TIMM23B: variants seen among roughly 807,000 people sequenced by gnomAD.
TIMM23B encodes the protein mitochondrial import inner membrane translocase subunit Tim23B.
In TIMM23B, 27 loss-of-function variants were observed where a neutral mutation model predicts 27.3. That is an observed-to-expected ratio of 0.99 (90% CI 0.73 to 1.36). The LOEUF is 1.36. TIMM23B is among the 40% of genes most tolerant of loss of function. The pLI is 0.00. For synonymous variants in TIMM23B, 73 were observed against 92.4 expected (o/e 0.79, Z 1.21); for missense variants, 205 against 244.2 (o/e 0.84, Z 1.07).
At chr10:49,966,536 A>G (rs1343341511) in intron 6 of TIMM23B, among the ~76,000 whole-genome samples, 2 of 151,684 alleles carry the variant, frequency 1.3e-5, no homozygotes, top group African/African-American at 4.8e-5. Flanking sequence ...AAGAAATGAA[A>G]TATGAAATGC....
At chr10:49,953,235 A>G (rs1839599841) in intron 4 of TIMM23B, among the ~76,000 whole-genome samples, 2 of 151,714 alleles carry the variant, frequency 1.3e-5, no homozygotes, top group African/African-American at 4.9e-5. Flanking sequence ...TTCGATGGCT[A>G]CTGTTTTGTT....
At chr10:49,970,856 A>G (rs1840410865) in intron 6 of TIMM23B, among the ~76,000 whole-genome samples, 1 of 152,240 alleles carries the variant, frequency 6.6e-6, no homozygotes, top group Non-Finnish European at 1.5e-5. Context: ...AGAATGGGCC[A>G]TGATGACGAT....
intron 6 of TIMM23B, among the ~76,000 whole-genome samples, chr10:49,972,280 G>A (rs1270983443): frequency 1.3e-5 from 2 of 152,200 alleles, no homozygotes; most frequent in African/African-American, 2.4e-5. Flanking sequence ...CTTTACATTC[G>A]GCACTTTAGG....
intron 6 of TIMM23B, 58 bp downstream of exon 6, chr10:49,958,538 A>G (rs1351859115): frequency 1.3e-6 from 2 of 1,550,696 alleles, no homozygotes; most frequent in African/African-American, 2.7e-5. Flanking sequence ...GCTTTTTAAA[A>G]TTCATGGTTT....
chr10:49,972,652 CT>C (rs1564694061), intron 6 of TIMM23B: 1 of 256,042 alleles, frequency 3.9e-6, no homozygotes, highest in African/African-American at 2.3e-5. Flanking sequence ...AGAAAGTATA[CT>C]TAAAGCACAA....
chr10:49,951,889 G>A (rs1353982114), intron 2 of TIMM23B, among the ~76,000 whole-genome samples: 9 of 152,146 alleles, frequency 5.9e-5, no homozygotes, highest in Admixed American at 3.3e-4. Context: ...TCAGATTTAC[G>A]TTTTGAAGGA....
intron 6 of TIMM23B, among the ~76,000 whole-genome samples, chr10:49,969,475 C>T (rs543152885): frequency 1.3e-5 from 2 of 150,010 alleles, no homozygotes. Context: ...TCTAAGAGGC[C>T]AAGGCAGGCA....
chr10:49,956,664 T>C (rs1839736850), intron 5 of TIMM23B, among the ~76,000 whole-genome samples: 1 of 146,262 alleles, frequency 6.8e-6, no homozygotes, highest in African/African-American at 2.4e-5. Flanking sequence ...TACTTATTAG[T>C]GAAAATGATT....
At chr10:49,951,388 G>A (rs1384218595) in intron 2 of TIMM23B, among the ~76,000 whole-genome samples, 1 of 151,798 alleles carries the variant, frequency 6.6e-6, no homozygotes, top group Non-Finnish European at 1.5e-5. Flanking sequence ...CCAAAAATGA[G>A]TGTGATTTTT....
chr10:49,967,071 C>T (rs1202530406), intron 6 of TIMM23B, among the ~76,000 whole-genome samples: 1 of 152,106 alleles, frequency 6.6e-6, no homozygotes, highest in Non-Finnish European at 1.5e-5. Context: ...AGGCACATGC[C>T]ACCATGCCTG....
chr10:49,945,653 G>GT (rs1839332047), intron 2 of TIMM23B, among the ~76,000 whole-genome samples: 2 of 152,082 alleles, frequency 1.3e-5, no homozygotes, highest in Admixed American at 6.5e-5. Context: ...CAATATCAGG[G>GT]TTTTTTTGAC....
intron 6 of TIMM23B, among the ~76,000 whole-genome samples, chr10:49,963,602 C>T (rs1272212276): frequency 1.3e-5 from 2 of 152,172 alleles, no homozygotes; most frequent in African/African-American, 4.8e-5. Context: ...TGCACTCCAG[C>T]TTGGGTGATA....
At chr10:49,950,381 T>C (rs1459101438) in intron 2 of TIMM23B, among the ~76,000 whole-genome samples, 2 of 151,822 alleles carry the variant, frequency 1.3e-5, no homozygotes, top group East Asian at 3.9e-4. Context: ...ATTAACATAC[T>C]TTGATAACAG....
chr10:49,960,895 G>A (rs1413437933), intron 6 of TIMM23B, among the ~76,000 whole-genome samples: 2 of 151,862 alleles, frequency 1.3e-5, no homozygotes, highest in Admixed American at 6.6e-5. Context: ...GAAAGCTAAG[G>A]TAAGAAGCTT....
chr10:49,968,042 A>G (rs1342173020), intron 6 of TIMM23B, among the ~76,000 whole-genome samples: 25 of 152,336 alleles, frequency 1.6e-4, no homozygotes, highest in African/African-American at 6.0e-4. Flanking sequence ...TGGCCCAACA[A>G]AACTCTTACT....
chr10:49,959,248 A>C (rs1480611041), intron 6 of TIMM23B, among the ~76,000 whole-genome samples: 4 of 152,194 alleles, frequency 2.6e-5, no homozygotes, highest in Non-Finnish European at 5.9e-5. Flanking sequence ...AAGCAATAGA[A>C]TATTCAGAAT....
intron 6 of TIMM23B, among the ~76,000 whole-genome samples, chr10:49,960,821 A>G (rs1839871697): frequency 6.6e-6 from 1 of 152,242 alleles, no homozygotes; most frequent in African/African-American, 2.4e-5. Flanking sequence ...CTGTTTGATT[A>G]TATGATACAT....
intron 6 of TIMM23B, among the ~76,000 whole-genome samples, chr10:49,963,381 T>G (rs1395279406): frequency 6.6e-6 from 1 of 151,620 alleles, no homozygotes; most frequent in African/African-American, 2.4e-5. Flanking sequence ...TGAAATGAAA[T>G]GAAATGATGA....
chr10:49,951,364 G>A (rs1839522039), intron 2 of TIMM23B, among the ~76,000 whole-genome samples: 6 of 151,424 alleles, frequency 4.0e-5, no homozygotes. Context: ...AACCATCTTT[G>A]GATGGAAAGC....
Sources: gnomAD v4.1 joint callset for allele counts (sites outside exome capture counted in the v4.1 genomes callset) on GRCh38, gnomAD v4.1.1 for gene constraint, MANE v1.5 for transcripts, NCBI Gene and HGNC (gene_info 2026-07-23, HGNC 2026-07-21) for gene names.